TMC2: variants seen among roughly 807,000 people sequenced by gnomAD.
TMC2 encodes transmembrane channel-like protein 2.
TMC2 carries 102 observed loss-of-function variants against 105.9 expected under a neutral mutation model. The observed-to-expected ratio is 0.96, with a 90% CI of 0.82 to 1.14. TMC2 has a LOEUF of 1.14. TMC2 is among the 50% of genes most tolerant of loss of function. The pLI is 0.00. For synonymous variants in TMC2, 402 were observed against 422.8 expected, an observed-to-expected ratio of 0.95 and a Z score of 0.60; for missense variants, 1,093 against 1,134.3, an observed-to-expected ratio of 0.96 and a Z score of 0.52.
At chr20:2,629,005 G>A (rs1389201950) in intron 17 of TMC2, among the ~76,000 whole-genome samples, 1 of 151,564 alleles carries the variant, frequency 6.6e-6, no homozygotes, top group Non-Finnish European at 1.5e-5. Flanking sequence ...GGGAGGCTGA[G>A]GCAGGAGAAT....
intron 17 of TMC2, among the ~76,000 whole-genome samples, chr20:2,628,431 A>G (rs1220009657): frequency 6.6e-6 from 1 of 152,040 alleles, no homozygotes; most frequent in Non-Finnish European, 1.5e-5. Context: ...CTATATATAA[A>G]TTTTGTATTC....
chr20:2,543,771 TG>T (rs2085906068), intron 2 of TMC2, among the ~76,000 whole-genome samples: 1 of 152,190 alleles, frequency 6.6e-6, no homozygotes, highest in South Asian at 2.1e-4. Context: ...CAGCCCAAGC[TG>T]AAGGAAAAGC....
intron 2 of TMC2, among the ~76,000 whole-genome samples, chr20:2,551,130 A>C (rs1030333847): frequency 2.0e-5 from 3 of 152,032 alleles, no homozygotes; most frequent in African/African-American, 7.3e-5. Context: ...CTGTTGTTCT[A>C]CATTTTTTTA....
chr20:2,548,593 GC>G (rs2085938469), intron 2 of TMC2, among the ~76,000 whole-genome samples: 1 of 150,134 alleles, frequency 6.7e-6, no homozygotes, highest in Admixed American at 6.7e-5. Context: ...AGCCAAGATA[GC>G]ACCATTGCAC....
chr20:2,598,655 G>A (rs537725976), intron 10 of TMC2, among the ~76,000 whole-genome samples: 6 of 151,946 alleles, frequency 3.9e-5, no homozygotes, highest in South Asian at 4.2e-4. Flanking sequence ...TGATCTGCCC[G>A]CCTCGGCCTC....
rs141449402 is a variant in TMC2, at chr20:2,637,536, G to T, written c.2448G>T (p.Glu816Asp). Residue 816 changes from glutamate to aspartate, a missense_variant, in exon 19 of 20, where the codon GAG becomes GAT. Coordinates refer to ENST00000358864, the MANE Select transcript of TMC2 (RefSeq NM_080751.3). Reference sequence around the variant, plus strand: ...GCAAAGCCACAGCCAGAGATTCAGAGGACACACCTAAAAGCAGCTCCAAAA... The same window carrying T: ...GCAAAGCCACAGCCAGAGATTCAGATGACACACCTAAAAGCAGCTCCAAAA... ...VKGKATARDSEDTPKSSSKNA... is the reference protein window; with the variant it reads ...VKGKATARDSDDTPKSSSKNA... 6.2e-7 allele frequency: 1 copy of T among 1,613,906 alleles called. No individual in the cohort carries two copies. Among genetic ancestry groups the T allele is most frequent in the Non-Finnish European group, 8.5e-7 (1 of 1,179,998 alleles).
At chr20:2,589,277 T>TGTGTGTGTGTGTGTGTGC (rs2086252691) in intron 7 of TMC2, among the ~76,000 whole-genome samples, 1 of 138,604 alleles carries the variant, frequency 7.2e-6, no homozygotes, top group South Asian at 2.3e-4. Flanking sequence ...GCCCTGTGTG[T>TGTGTGTGTGTGTGTGTGC]GTGTGTGTGT....
At chr20:2,610,233 C>T (rs1477485412) in intron 11 of TMC2, among the ~76,000 whole-genome samples, 186 bp from the exon 12 acceptor site, 2 of 152,186 alleles carry the variant, frequency 1.3e-5, no homozygotes, top group African/African-American at 4.8e-5. Flanking sequence ...AAGCACAGGC[C>T]AAGTGCTCAG....
intron 4 of TMC2, among the ~76,000 whole-genome samples, chr20:2,567,414 T>C (rs971862037): frequency 1.3e-5 from 2 of 152,078 alleles, no homozygotes; most frequent in African/African-American, 4.8e-5. Context: ...TCTTATAATA[T>C]CCAAAAGTCC....
chr20:2,599,595 T>A (rs1026521661), intron 10 of TMC2, among the ~76,000 whole-genome samples: 1 of 137,400 alleles, frequency 7.3e-6, no homozygotes, highest in African/African-American at 2.7e-5. Context: ...TGGAGTGCCA[T>A]GCCCAGTTAA....
At position 2,617,118 on chromosome 20, in the gene TMC2, C is replaced by T. The variant is rs146235671; in HGVS notation, c.1987C>T (p.Arg663Cys). ...APGLVGINVL[R>C]LLTSMYFQCW... ...AGGCCTGGTGGGCATTAATGTGCTGCGCCTGCTGACCTCCATGTACTTCCA... is the reference window on the plus strand; with the variant it reads ...AGGCCTGGTGGGCATTAATGTGCTGTGCCTGCTGACCTCCATGTACTTCCA... Residue 663 changes from arginine (R) to cysteine (C), a missense_variant, in exon 16 of 20, where the codon CGC (arginine) becomes TGC (cysteine). Arg to Cys is a radical substitution (Grantham distance 180). Transcript: ENST00000358864. The T allele has an allele frequency of 1.5e-4, 247 of 1,614,218 alleles. No homozygotes were observed. In the African/African-American group the frequency reaches 1.9e-3, roughly 12 times the overall value.
chr20:2,587,261 G>A (rs2086237767), intron 7 of TMC2, among the ~76,000 whole-genome samples: 1 of 152,030 alleles, frequency 6.6e-6, no homozygotes, highest in African/African-American at 2.4e-5. Flanking sequence ...ATATGTTAAT[G>A]CCATGTTATT....
chr20:2,580,078 T>A lies in TMC2; in HGVS notation c.834+22T>A, dbSNP rs771141523. On this transcript the variant is annotated intron_variant, in intron 7 of 19. Transcript: ENST00000358864. ...AGAGGTAAGAAAAGAACTTCCTAAA[T>A]CTTTGGATAGAGTTAAGGCTTATGA... 1.3e-5 allele frequency: 20 copies of A among 1,506,962 alleles called. No homozygotes were observed. The South Asian group carries it at 1.4e-4, about 10-fold the overall frequency. The allele number at this position is 1,506,962 out of a possible 1,614,324, so 93.3% of individuals were successfully genotyped here. A position where few individuals can be genotyped will look rare whatever the true frequency, so the allele number is the denominator to read the frequency against.
rs116388312 is a variant in TMC2, at chr20:2,566,064, G to A, written c.554+4054G>A. 6.1e-3 allele frequency among the ~76,000 whole-genome samples: 928 copies of A among 152,178 alleles called. 8 individuals carry two copies. Among genetic ancestry groups the A allele is most frequent in the African/African-American group, 0.02 (818 of 41,504 alleles). On this transcript the variant is annotated intron_variant, in intron 4 of 19. Coordinates refer to ENST00000358864, the MANE Select transcript of TMC2 (RefSeq NM_080751.3). ...AAAAAACATATGAAAACAAAAGGCT[G>A]GCTGGACATAAAAAGCAACAGCAGT...
rs755954202 is a variant in TMC2, at chr20:2,558,658, C to T, written c.285C>T (p.Cys95=). 1 of 1,586,540 alleles carries T rather than the reference C, an allele frequency of 6.3e-7. No individual in the cohort carries two copies. Among genetic ancestry groups the T allele is most frequent in the South Asian group, 1.1e-5 (1 of 87,158 alleles). ...EQERGEAERT[C]EGRRKRDERA... ...AGCGGGGCGAGGCAGAGAGGACCTG[C>T]GAGGGCAGGAGAAAGCGCGACGAGA... The change falls in exon 3 of 20, where the codon TGC becomes TGT. Residue 95 remains cysteine (C), a synonymous_variant. Transcript: ENST00000358864. This position sits in a 1 kb window ranked among gnomAD's most constrained non-coding sequence, Gnocchi z 4.6.
In TMC2 at chr20:2,592,205, G is replaced by T; in HGVS notation, c.835-105G>T. ...AAATACATAAAGAAAGAAGAAAATAGGTGTATTCCGCTCTGAGAAGGAAAG... is the reference window on the plus strand; with the variant it reads ...AAATACATAAAGAAAGAAGAAAATATGTGTATTCCGCTCTGAGAAGGAAAG... On this transcript the variant is annotated intron_variant, in intron 7 of 19. Coordinates refer to ENST00000358864, the MANE Select transcript of TMC2 (RefSeq NM_080751.3). The surrounding 1 kb of genome is among the most constrained non-coding windows in gnomAD (Gnocchi z 4.9). The T allele has an allele frequency of 1.5e-6, 1 of 674,402 alleles. No homozygotes were observed. Among genetic ancestry groups the T allele is most frequent in the Non-Finnish European group, 2.6e-6 (1 of 380,220 alleles). 41.8% of individuals were successfully genotyped at this position (674,402 alleles called of 1,614,324 possible).
intron 3 of TMC2, among the ~76,000 whole-genome samples, chr20:2,559,695 A>G (rs540919416): frequency 2.0e-4 from 31 of 152,158 alleles, no homozygotes; most frequent in African/African-American, 6.7e-4. Flanking sequence ...AGGCTTTTAA[A>G]CAAGGGCACT....
chr20:2,559,853 C>T (rs2086012899), intron 3 of TMC2, among the ~76,000 whole-genome samples: 1 of 152,096 alleles, frequency 6.6e-6, no homozygotes, highest in Admixed American at 6.6e-5. Context: ...CGTTGATGGG[C>T]CCTGGGTGCC....
chr20:2,543,177 C>A (rs374881605), intron 2 of TMC2, among the ~76,000 whole-genome samples: 2 of 152,000 alleles, frequency 1.3e-5, no homozygotes, highest in Non-Finnish European at 2.9e-5. Context: ...GTAGAGGCTG[C>A]AGTGAGCCAA....
Sources: allele counts gnomAD v4.1 joint callset (sites outside exome capture counted in the v4.1 genomes callset), GRCh38; gene constraint gnomAD v4.1.1; non-coding constraint Gnocchi (gnomAD v3.1); transcripts MANE v1.5; gene names NCBI Gene and HGNC (gene_info 2026-07-23, HGNC 2026-07-21).